The following TMEM255A variants were observed in gnomAD, a reference collection of about 807,000 sequenced individuals.
TMEM255A encodes the protein family with sequence similarity 70, member A.
In TMEM255A, 14 loss-of-function variants were observed where a neutral mutation model predicts 23.5. That is an observed-to-expected ratio of 0.60 (90% CI 0.39 to 0.93). The LOEUF (loss-of-function observed/expected upper bound fraction) is 0.93. TMEM255A is among the 40% of genes least tolerant of loss of function. The pLI is 0.00. For missense variants in TMEM255A, 233 were observed against 261.7 expected (o/e 0.89, Z 0.76); for synonymous variants, 104 against 100.3 (o/e 1.04, Z -0.22).
intron 2 of TMEM255A, among the ~76,000 whole-genome samples, chrX:120,296,263 T>C (rs2057954068): frequency 9.0e-6 from 1 of 111,246 alleles, no homozygotes; most frequent in African/African-American, 3.3e-5. Context: ...AACTCTCTGA[T>C]GGCAGTGACC....
At chrX:120,305,763 G>C (rs2058060977) in intron 1 of TMEM255A, among the ~76,000 whole-genome samples, 1 of 111,252 alleles carries the variant, frequency 9.0e-6, no homozygotes, top group Non-Finnish European at 1.9e-5. Flanking sequence ...AGGTGGTGGT[G>C]AGACGGGAGG....
chrX:120,286,774 G>T (rs2057877976), intron 5 of TMEM255A, among the ~76,000 whole-genome samples: 1 of 111,465 alleles, frequency 9.0e-6, no homozygotes, highest in Admixed American at 9.5e-5. Context: ...GCCCTGGTGG[G>T]GCTTCCACTT....
Position 120,304,315 on chromosome X carries a change from G to A in TMEM255A, c.201+34C>T. 3 of 1,183,355 alleles carry A rather than the reference G, an allele frequency of 2.5e-6. No homozygotes were observed. The African/African-American group carries it at 5.3e-5, about 21-fold the overall frequency. On this transcript the variant is annotated intron_variant, in intron 2 of 8. Coordinates refer to ENST00000371369, the MANE Select transcript of TMEM255A (RefSeq NM_001104544.3). Reference sequence around the variant, plus strand: ...GAGCCAGAATTTCTGTAGACAGCAAGCTACTGCGACCTACCTGTGCCTTCT... The same window carrying A: ...GAGCCAGAATTTCTGTAGACAGCAAACTACTGCGACCTACCTGTGCCTTCT...
chrX:120,268,983 G>A (rs1266307682), intron 7 of TMEM255A, among the ~76,000 whole-genome samples: 1 of 111,390 alleles, frequency 9.0e-6, no homozygotes, highest in Non-Finnish European at 1.9e-5. Flanking sequence ...AAGTTGTAAG[G>A]ATTCTTAGAG....
chrX:120,298,302 G>A (rs782201413), intron 2 of TMEM255A, among the ~76,000 whole-genome samples: 4 of 111,671 alleles, frequency 3.6e-5, no homozygotes, highest in Non-Finnish European at 7.5e-5. Flanking sequence ...TTGGAGGCCA[G>A]GAGGTGGGAT....
downstream of TMEM255A, chrX:120,255,181 GCAGGTCTTTACAAAT>G: frequency 8.3e-7 from 1 of 1,211,552 alleles, no homozygotes; most frequent in Non-Finnish European, 1.1e-6. Flanking sequence ...TTACATCCAT[GCAGGTCTTTACAAAT>G]CAGACAATAT....
At position 120,299,432 on chromosome X, in the gene TMEM255A, G is replaced by A. The variant is rs192835875; in HGVS notation, c.201+4917C>T. On this transcript the variant is annotated intron_variant, in intron 2 of 8. Transcript: ENST00000371369. ...GGGCTCAAGGAACCCCCTTGCCTCA[G>A]CCTCCTAAGTAGCTGGGACTACAGG... Among the ~76,000 whole-genome samples, 9 of 111,493 alleles carry A rather than the reference G, an allele frequency of 8.1e-5. No individual in the cohort carries two copies. In the East Asian group the frequency reaches 2.5e-3, roughly 31 times the overall value.
intron 3 of TMEM255A, among the ~76,000 whole-genome samples, chrX:120,292,526 G>C (rs1218481180): frequency 1.8e-5 from 2 of 110,587 alleles, no homozygotes; most frequent in East Asian, 5.7e-4. Context: ...TGGGAGGCTG[G>C]GGCGGGTGGA....
intron 3 of TMEM255A, among the ~76,000 whole-genome samples, chrX:120,292,966 C>T (rs893018668): frequency 8.9e-6 from 1 of 112,005 alleles, no homozygotes; most frequent in African/African-American, 3.2e-5. Flanking sequence ...TTAAAATTCC[C>T]CCATTATTTT....
chrX:120,254,628 G>A (rs1556015031), downstream of TMEM255A: 1 of 1,210,103 alleles, frequency 8.3e-7, no homozygotes, highest in African/African-American at 1.7e-5. Context: ...TCCAGGCGTA[G>A]GATCAAAACA....
chrX:120,292,437 C>T (rs2057922104), intron 3 of TMEM255A, among the ~76,000 whole-genome samples: 1 of 110,687 alleles, frequency 9.0e-6, no homozygotes, highest in African/African-American at 3.3e-5. Context: ...TGGCATCAAG[C>T]TGCTCTCCAG....
In TMEM255A at chrX:120,304,480, G is replaced by T; in HGVS notation, c.70C>A (p.Arg24=). 8.3e-7 allele frequency: 1 copy of T among 1,209,083 alleles called. No individual in the cohort carries two copies. Among genetic ancestry groups the T allele is most frequent in the Non-Finnish European group, 1.1e-6 (1 of 894,143 alleles). The change falls in exon 2 of 9, where the codon CGG becomes AGG. Residue 24 remains arginine (R), a synonymous_variant. Coordinates refer to ENST00000371369, the MANE Select transcript of TMEM255A (RefSeq NM_001104544.3). ...ACATAGATGGAGTTTCGTTTCCTCC[G>T]ATTGAATGCTCCTGAAAGCACAGAG... is the stretch of plus-strand genomic sequence containing the variant. ...SLPDSMGAFN[R]RKRNSIYVTV... is the part of the protein sequence containing the mutation.
intron 7 of TMEM255A, among the ~76,000 whole-genome samples, chrX:120,269,310 T>C: frequency 8.9e-6 from 1 of 111,966 alleles, no homozygotes; most frequent in Non-Finnish European, 1.9e-5. Flanking sequence ...CAAGTAGGAC[T>C]GTGCTTTGTG....
At chrX:120,305,665 G>A (rs1392762099) in intron 1 of TMEM255A, among the ~76,000 whole-genome samples, 1 of 109,279 alleles carries the variant, frequency 9.2e-6, no homozygotes, top group African/African-American at 3.4e-5. Flanking sequence ...TGCTCCATGG[G>A]GAGGGAGGGG....
chrX:120,256,400 C>A (rs2057637935), downstream of TMEM255A: 1 of 121,953 alleles, frequency 8.2e-6, no homozygotes, highest in South Asian at 3.8e-4. Flanking sequence ...AGGCTACTGG[C>A]ATATATTTTT....
intron 2 of TMEM255A, among the ~76,000 whole-genome samples, chrX:120,297,988 C>T (rs782635644): frequency 1.8e-5 from 2 of 111,206 alleles, no homozygotes; most frequent in South Asian, 3.9e-4. Flanking sequence ...CTGTGGTCTC[C>T]CCTCAAGAGC....
intron 4 of TMEM255A, among the ~76,000 whole-genome samples, chrX:120,289,300 C>T (rs2057898327): frequency 8.9e-6 from 1 of 111,881 alleles, no homozygotes; most frequent in Non-Finnish European, 1.9e-5. Context: ...TGCTGTACTG[C>T]AGGTCACCAG....
At chrX:120,289,692 G>A (rs782441650) in intron 4 of TMEM255A, among the ~76,000 whole-genome samples, 106 of 111,860 alleles carry the variant, frequency 9.5e-4, no homozygotes, top group African/African-American at 3.4e-3. Context: ...AAATGAAAAT[G>A]AAAACATATA....
chrX:120,297,648 A>G (rs782060847), intron 2 of TMEM255A, among the ~76,000 whole-genome samples: 6 of 111,522 alleles, frequency 5.4e-5, no homozygotes, highest in Non-Finnish European at 1.1e-4. Flanking sequence ...AAATGAAGGC[A>G]TAGATAATTG....
Sources: allele counts gnomAD v4.1 joint callset (sites outside exome capture counted in the v4.1 genomes callset), GRCh38; gene constraint gnomAD v4.1.1; transcripts MANE v1.5; gene names NCBI Gene and HGNC (gene_info 2026-07-23, HGNC 2026-07-21).